Variants in REELD1 observed in about 807,000 individuals in gnomAD.
The protein encoded by REELD1 is reeler domain containing 1, also known as reelin domain-containing protein 1.
In REELD1, 12 loss-of-function variants were observed where a neutral mutation model predicts 6.3. The ratio of observed to expected loss-of-function variants is 1.89; its 90% CI spans 1.21 to 3.07. The LOEUF (loss-of-function observed/expected upper bound fraction) is 3.07. REELD1 is among the 30% of genes most tolerant of loss of function. REELD1 has a pLI of 0.00. For missense variants in REELD1, 163 were observed against 86.8 expected (o/e 1.88, Z -3.49); for synonymous variants, 57 against 33.6 (o/e 1.70, Z -2.42).
At position 146,230,003 on chromosome 4, in the gene REELD1, A is replaced by G. The variant is rs1223582476; in HGVS notation, c.1071A>G (p.Thr357=). The G allele has an allele frequency of 1.3e-5, 5 of 398,726 alleles. No individual in the cohort carries two copies. Among genetic ancestry groups the G allele is most frequent in the Non-Finnish European group, 2.2e-5 (5 of 226,130 alleles). The allele number at this position is 398,726 out of a possible 1,614,324, so 24.7% of individuals were successfully genotyped here. A position where few individuals can be genotyped will look rare whatever the true frequency, so the allele number is the denominator to read the frequency against. ...GCCTCTGGTCCTCTGAAACTTTCACAGGGAATGGGGTCAGGGCAAGCAACC... is the reference window on the plus strand; with the variant it reads ...GCCTCTGGTCCTCTGAAACTTTCACGGGGAATGGGGTCAGGGCAAGCAACC... ...PQCLWSSETF[T]GNGVRASNPI... Residue 357 remains threonine (T), a synonymous_variant, in exon 8 of 8, where the codon ACA becomes ACG. Transcript: ENST00000623665.
At chr4:146,215,595 T>G (rs1168007826) in intron 2 of REELD1, among the ~76,000 whole-genome samples, 1 of 151,594 alleles carries the variant, frequency 6.6e-6, no homozygotes, top group African/African-American at 2.4e-5. Flanking sequence ...CTAGTTTTAC[T>G]ACATTTTCAG....
intron 5 of REELD1, among the ~76,000 whole-genome samples, chr4:146,226,699 T>A (rs576221051): frequency 1.2e-3 from 180 of 152,308 alleles, no homozygotes; most frequent in African/African-American, 4.2e-3. Flanking sequence ...GATTTCAACA[T>A]ATGAATTTTG....
intron 3 of REELD1, among the ~76,000 whole-genome samples, chr4:146,221,499 C>G (rs1264358453): frequency 1.3e-5 from 2 of 152,182 alleles, no homozygotes; most frequent in African/African-American, 4.8e-5. Context: ...CTGCTTACAA[C>G]CACACATTTT....
intron 3 of REELD1, among the ~76,000 whole-genome samples, chr4:146,220,863 A>G (rs1355436701): frequency 2.6e-5 from 4 of 152,188 alleles, no homozygotes; most frequent in Non-Finnish European, 4.4e-5. Flanking sequence ...TTCCACATGA[A>G]TGTAACATCT....
chr4:146,223,327 A>T (rs1730958041), intron 4 of REELD1, among the ~76,000 whole-genome samples: 1 of 151,890 alleles, frequency 6.6e-6, no homozygotes. Context: ...GTGGGAGAGG[A>T]GGTTGGTGGC....
intron 5 of REELD1, among the ~76,000 whole-genome samples, chr4:146,226,526 TCAA>T (rs1214075870): frequency 6.6e-6 from 1 of 152,144 alleles, no homozygotes; most frequent in African/African-American, 2.4e-5. Flanking sequence ...GATCTGTGCC[TCAA>T]CAATGGTGCG....
intron 5 of REELD1, among the ~76,000 whole-genome samples, chr4:146,227,126 G>T (rs1731038634): frequency 6.6e-6 from 1 of 152,098 alleles, no homozygotes; most frequent in Non-Finnish European, 1.5e-5. Context: ...TTGAGTTCAG[G>T]GACACCAATT....
intron 4 of REELD1, among the ~76,000 whole-genome samples, chr4:146,223,220 C>G (rs1730956257): frequency 6.6e-6 from 1 of 152,112 alleles, no homozygotes; most frequent in Non-Finnish European, 1.5e-5. Flanking sequence ...GTTTCTCTTC[C>G]CCACACCCTC....
At chr4:146,228,967 T>C in intron 6 of REELD1, 58 bp from the exon 7 acceptor site, 3 of 701,618 alleles carry the variant, frequency 4.3e-6, no homozygotes, top group South Asian at 3.0e-5. Flanking sequence ...GTAGGAAACA[T>C]TGCTTTTTGG....
At chr4:146,220,281 C>T (rs902283904) in intron 3 of REELD1, among the ~76,000 whole-genome samples, 2 of 152,182 alleles carry the variant, frequency 1.3e-5, no homozygotes, top group Non-Finnish European at 2.9e-5. Flanking sequence ...CATGACAGTC[C>T]ATTGTCTAGA....
chr4:146,217,957 G>A (rs1164308727), intron 3 of REELD1, among the ~76,000 whole-genome samples: 1 of 152,212 alleles, frequency 6.6e-6, no homozygotes, highest in Admixed American at 6.5e-5. Flanking sequence ...ATTGGGGGAT[G>A]AAAAAATCAT....
intron 3 of REELD1, among the ~76,000 whole-genome samples, chr4:146,219,222 C>T (rs1009085785): frequency 2.0e-5 from 3 of 152,130 alleles, no homozygotes; most frequent in African/African-American, 7.2e-5. Context: ...GCAGAAATAA[C>T]TAAAAATATT....
chr4:146,224,950 TG>T (rs1450478294), intron 5 of REELD1, among the ~76,000 whole-genome samples: 1 of 152,214 alleles, frequency 6.6e-6, no homozygotes, highest in East Asian at 1.9e-4. Flanking sequence ...ATATTTCTGC[TG>T]TTTTCCTTAG....
chr4:146,215,718 G>T (rs1578695165), intron 2 of REELD1, among the ~76,000 whole-genome samples: 2 of 110,322 alleles, frequency 1.8e-5, no homozygotes, highest in East Asian at 2.7e-4. Flanking sequence ...CTTCTAAAAT[G>T]CCTGTGTGCA....
chr4:146,217,809 C>T (rs997603226), intron 3 of REELD1, among the ~76,000 whole-genome samples: 4 of 152,148 alleles, frequency 2.6e-5, no homozygotes, highest in Non-Finnish European at 4.4e-5. Flanking sequence ...AAAATTCATC[C>T]ATCAACAGAC....
chr4:146,220,602 T>G (rs1730907370), intron 3 of REELD1, among the ~76,000 whole-genome samples: 1 of 152,238 alleles, frequency 6.6e-6, no homozygotes, highest in African/African-American at 2.4e-5. Context: ...TTCATTCCTT[T>G]GACATCGCAC....
chr4:146,228,619 A>G (rs1021729072), intron 6 of REELD1, 97 bp downstream of exon 6: 5 of 604,378 alleles, frequency 8.3e-6, no homozygotes, highest in African/African-American at 1.9e-5. Flanking sequence ...TCTCAGCCAT[A>G]TTTTTTCTTA....
At chr4:146,216,250 A>C (rs1188986884) in intron 2 of REELD1, among the ~76,000 whole-genome samples, 1 of 152,204 alleles carries the variant, frequency 6.6e-6, no homozygotes, top group East Asian at 1.9e-4. Flanking sequence ...TTATTCAATC[A>C]TTGTATTCTA....
intron 3 of REELD1, among the ~76,000 whole-genome samples, chr4:146,217,426 T>A (rs1337801956): frequency 6.6e-6 from 1 of 151,944 alleles, no homozygotes; most frequent in Non-Finnish European, 1.5e-5. Context: ...GTATTTTTTT[T>A]AGAGACAGGG....
Sources: allele counts gnomAD v4.1 joint callset (sites outside exome capture counted in the v4.1 genomes callset), GRCh38; gene constraint gnomAD v4.1.1; transcripts MANE v1.5; gene names NCBI Gene and HGNC (gene_info 2026-07-23, HGNC 2026-07-21).